The following PRELID2 variants were observed in gnomAD, a reference collection of about 807,000 sequenced individuals.
PRELID2 encodes the protein PRELI domain-containing protein 2.
PRELID2 carries 25 observed loss-of-function variants against 28.4 expected under a neutral mutation model. That is an observed-to-expected ratio of 0.88 (90% CI 0.64 to 1.23). PRELID2 has a LOEUF of 1.23. PRELID2 is among the 50% of genes most tolerant of loss of function. PRELID2 has a pLI of 0.00. For missense variants in PRELID2, 201 were observed against 214.4 expected (o/e 0.94, Z 0.39); for synonymous variants, 76 against 71.6 (o/e 1.06, Z -0.31).
At chr5:145,719,206 G>T (rs1053706799) in intron 1 of PRELID2, among the ~76,000 whole-genome samples, 2 of 151,872 alleles carry the variant, frequency 1.3e-5, no homozygotes, top group Admixed American at 6.6e-5. Context: ...GGAAAACTGT[G>T]GGAAGAGAAA....
At chr5:145,391,817 G>T in the PRELID2 span, among the ~76,000 whole-genome samples, 1 of 151,504 alleles carries the variant, frequency 6.6e-6, no homozygotes, top group African/African-American at 2.4e-5. Context: ...CAAGTTCAAA[G>T]TTCCACAGAT....
chr5:145,378,233 T>C, the PRELID2 span, among the ~76,000 whole-genome samples: 1 of 152,180 alleles, frequency 6.6e-6, no homozygotes, highest in Non-Finnish European at 1.5e-5. Context: ...TTCTTTCATT[T>C]CAACCTCAGA....
intron 1 of PRELID2, among the ~76,000 whole-genome samples, chr5:145,827,326 C>T (rs916715591): frequency 1.8e-4 from 27 of 152,138 alleles, no homozygotes; most frequent in African/African-American, 5.8e-4. Context: ...TATACCAAGA[C>T]GAAACGAGTT....
the PRELID2 span, among the ~76,000 whole-genome samples, chr5:145,451,843 C>T: frequency 6.6e-6 from 1 of 152,068 alleles, no homozygotes; most frequent in African/African-American, 2.4e-5. Context: ...AAGAGAAACT[C>T]CTCACTTTAA....
chr5:145,594,002 C>G (rs968581568), intron 1 of PRELID2, among the ~76,000 whole-genome samples: 1 of 151,984 alleles, frequency 6.6e-6, no homozygotes, highest in African/African-American at 2.4e-5. Flanking sequence ...TATCTTTTGT[C>G]TTTTGGATAT....
At chr5:145,388,213 T>A in the PRELID2 span, among the ~76,000 whole-genome samples, 13 of 152,146 alleles carry the variant, frequency 8.5e-5, no homozygotes, top group Non-Finnish European at 2.9e-5. Context: ...CTACCTTGAA[T>A]TCTGTATGCT....
intron 1 of PRELID2, among the ~76,000 whole-genome samples, chr5:145,491,935 G>A (rs574486629): frequency 5.9e-5 from 9 of 152,014 alleles, no homozygotes; most frequent in East Asian, 3.9e-4. Flanking sequence ...TCCTTTACCC[G>A]TTCATCTGTT....
At chr5:145,424,274 C>G in the PRELID2 span, among the ~76,000 whole-genome samples, 2 of 152,196 alleles carry the variant, frequency 1.3e-5, no homozygotes, top group Non-Finnish European at 2.9e-5. Context: ...CCAGTTCGAG[C>G]TTCCCGGCTG....
intron 1 of PRELID2, among the ~76,000 whole-genome samples, chr5:145,664,095 G>T (rs1754543490): frequency 6.6e-6 from 1 of 152,116 alleles, no homozygotes; most frequent in Non-Finnish European, 1.5e-5. Context: ...TTTGTAAAAT[G>T]AAGGAAATAT....
chr5:145,580,554 T>C lies in PRELID2; in HGVS notation n.71-107239A>G, dbSNP rs767119309. Among the ~76,000 whole-genome samples, 157 of 152,048 alleles carry C rather than the reference T, an allele frequency of 1.0e-3. 2 individuals carry two copies. The highest frequency in any genetic ancestry group is 3.2e-4 in the Non-Finnish European group (22 of 67,982). On this transcript the variant is annotated intron_variant and non_coding_transcript_variant, in intron 1 of 2. Transcript: ENST00000510259. ...TCTAGTGCTGAGTTGAGTAGAGCCA[T>C]AACACACTCCCATCTCTCCTCAAGA...
chr5:145,255,590 T>C, the PRELID2 span, among the ~76,000 whole-genome samples: 1 of 151,362 alleles, frequency 6.6e-6, no homozygotes, highest in Non-Finnish European at 1.5e-5. Flanking sequence ...CTGAGCAACA[T>C]AGTGAGAACT....
At chr5:145,397,420 A>C in the PRELID2 span, among the ~76,000 whole-genome samples, 1 of 152,202 alleles carries the variant, frequency 6.6e-6, no homozygotes. Flanking sequence ...GAGGGACCAG[A>C]AGAAATAAGT....
At chr5:145,657,242 T>C (rs1246935004) in intron 1 of PRELID2, among the ~76,000 whole-genome samples, 1 of 152,224 alleles carries the variant, frequency 6.6e-6, no homozygotes, top group Non-Finnish European at 1.5e-5. Flanking sequence ...AATTACACTA[T>C]TCTTTCCCTT....
chr5:145,359,137 G>A, the PRELID2 span, among the ~76,000 whole-genome samples: 5 of 152,108 alleles, frequency 3.3e-5, no homozygotes, highest in Admixed American at 2.0e-4. Context: ...CTTTTACTGA[G>A]GACTCATTAA....
chr5:145,819,845 G>GT, intron 3 of PRELID2, 100 bp downstream of exon 3: 2 of 807,368 alleles, frequency 2.5e-6, no homozygotes, highest in Non-Finnish European at 4.2e-6. Context: ...GGAGTAGGAA[G>GT]TTTCTAACGC....
intron 1 of PRELID2, among the ~76,000 whole-genome samples, chr5:145,473,626 C>T (rs949961861): frequency 6.6e-6 from 1 of 152,086 alleles, no homozygotes; most frequent in Non-Finnish European, 1.5e-5. Flanking sequence ...TATTATATAT[C>T]TTCAAAGACA....
chr5:145,542,747 T>C (rs1752753392), intron 1 of PRELID2, among the ~76,000 whole-genome samples: 1 of 139,454 alleles, frequency 7.2e-6, no homozygotes, highest in Non-Finnish European at 1.5e-5. Context: ...ATATACATTG[T>C]AATTTCTTTC....
At chr5:145,531,810 T>C (rs192405841) in intron 1 of PRELID2, among the ~76,000 whole-genome samples, 1 of 152,298 alleles carries the variant, frequency 6.6e-6, no homozygotes, top group African/African-American at 2.4e-5. Flanking sequence ...CAATATCTAC[T>C]GTCCTGTTTC....
intron 5 of PRELID2, among the ~76,000 whole-genome samples, chr5:145,767,131 C>T (rs1375328305): frequency 8.0e-6 from 1 of 124,536 alleles, no homozygotes; most frequent in African/African-American, 2.9e-5. Context: ...GCCCACCCCA[C>T]CCCCCACCCT....
Sources: allele counts gnomAD v4.1 joint callset (sites outside exome capture counted in the v4.1 genomes callset), GRCh38; gene constraint gnomAD v4.1.1; transcripts MANE v1.5; gene names NCBI Gene and HGNC (gene_info 2026-07-23, HGNC 2026-07-21).